Variants in UQCC1 observed in about 807,000 individuals in gnomAD.
UQCC1 encodes bFGF-repressed Zic-binding protein.
In UQCC1, 38 loss-of-function variants were observed where a neutral mutation model predicts 48.0. The observed-to-expected ratio is 0.79, with a 90% CI of 0.61 to 1.04. The LOEUF is 1.04. Ranked by LOEUF, UQCC1 falls within the 50% of genes least tolerant of loss-of-function variation. The probability of loss-of-function intolerance (pLI) is 0.00; values close to 1 mark genes in which losing one functional copy is unlikely to be tolerated. For synonymous variants in UQCC1, 111 were observed against 129.2 expected (o/e 0.86, Z 0.95); for missense variants, 368 against 381.8 (o/e 0.96, Z 0.30).
At chr20:35,315,840 C>T (rs180760610) in intron 7 of UQCC1, among the ~76,000 whole-genome samples, 26 of 152,278 alleles carry the variant, frequency 1.7e-4, no homozygotes, top group Admixed American at 1.4e-3. Flanking sequence ...GAGCCAGGAT[C>T]GCGCCACTGC....
rs961537065 is a variant in UQCC1 at position 35,317,784 on chromosome 20, T to C, written c.574-3019A>G. Among the ~76,000 whole-genome samples, 7 of 152,386 alleles carry C rather than the reference T, an allele frequency of 4.6e-5. No individual in the cohort carries two copies. The South Asian group carries it at 1.4e-3, about 32-fold the overall frequency. ...TTACAAGGGCCTGTGTACTACGCCA[T>C]GCATAGCATGTTCTATCCAACTAGT... On this transcript the variant is annotated intron_variant, in intron 7 of 9. Transcript: ENST00000374385.
At chr20:35,384,648 TAA>T (rs386393686) in intron 2 of UQCC1, 4,819 of 377,010 alleles carry the variant, frequency 0.013, no homozygotes, top group South Asian at 0.017. Context: ...ACCCTGTCTG[TAA>T]AAAAAAAAAA....
chr20:35,316,120 T>C (rs1431930001), intron 7 of UQCC1, among the ~76,000 whole-genome samples: 1 of 152,152 alleles, frequency 6.6e-6, no homozygotes, highest in Non-Finnish European at 1.5e-5. Flanking sequence ...AGAAAGCCAG[T>C]GCAATGTATA....
intron 1 of UQCC1, among the ~76,000 whole-genome samples, chr20:35,409,747 T>C (rs1273696934): frequency 6.6e-6 from 1 of 152,120 alleles, no homozygotes; most frequent in Admixed American, 6.5e-5. Flanking sequence ...AGGGAAAATA[T>C]TGGCTGACAA....
At chr20:35,400,616 C>A (rs977603902) in intron 1 of UQCC1, among the ~76,000 whole-genome samples, 8 of 152,058 alleles carry the variant, frequency 5.3e-5, no homozygotes, top group African/African-American at 1.4e-4. Context: ...CTGCCTCAGC[C>A]TCCCAAGTAG....
intron 6 of UQCC1, among the ~76,000 whole-genome samples, chr20:35,359,482 C>G (rs4911491): frequency 0.54 from 82,488 of 151,972 alleles, 23,430 homozygotes; most frequent in East Asian, 0.72. Flanking sequence ...CAGCCTAAAT[C>G]TGGGAGGGAA....
intron 1 of UQCC1, among the ~76,000 whole-genome samples, chr20:35,395,426 C>T (rs2062063066): frequency 6.6e-6 from 1 of 151,832 alleles, no homozygotes; most frequent in Non-Finnish European, 1.5e-5. Context: ...TCGAAACCAG[C>T]CTGGGCAACA....
chr20:35,372,481 G>A (rs1259754563), intron 5 of UQCC1, among the ~76,000 whole-genome samples: 14 of 152,124 alleles, frequency 9.2e-5, no homozygotes, highest in Admixed American at 8.5e-4. Flanking sequence ...CACTAAATTG[G>A]AATTATAATT....
chr20:35,320,016 C>A (rs914459571), intron 7 of UQCC1, among the ~76,000 whole-genome samples: 1 of 152,168 alleles, frequency 6.6e-6, no homozygotes, highest in African/African-American at 2.4e-5. Flanking sequence ...CCTCTTGCCT[C>A]CCCATCTTAC....
chr20:35,350,885 AC>A (rs2146398349), intron 6 of UQCC1, among the ~76,000 whole-genome samples: 1 of 152,096 alleles, frequency 6.6e-6, no homozygotes, highest in African/African-American at 2.4e-5. Context: ...TCCCAAAAAT[AC>A]AAAAAATTAA....
At chr20:35,398,764 G>GCA (rs1568711115) in intron 1 of UQCC1, among the ~76,000 whole-genome samples, 5 of 140,188 alleles carry the variant, frequency 3.6e-5, no homozygotes, top group African/African-American at 1.3e-4. Flanking sequence ...GGGGGGGGGG[G>GCA]GGGGGCGGTG....
intron 5 of UQCC1, among the ~76,000 whole-genome samples, chr20:35,373,735 T>C (rs935527421): frequency 6.6e-6 from 1 of 151,914 alleles, no homozygotes; most frequent in African/African-American, 2.4e-5. Flanking sequence ...CAGAATATGT[T>C]TACTATGATA....
At chr20:35,341,165 G>A (rs1030810105) in intron 7 of UQCC1, among the ~76,000 whole-genome samples, 5 of 148,596 alleles carry the variant, frequency 3.4e-5, no homozygotes, top group African/African-American at 1.3e-4. Context: ...AGGTTGCAGT[G>A]AGCCAAGGTC....
chr20:35,356,629 C>T (rs1443461681), intron 6 of UQCC1, among the ~76,000 whole-genome samples: 7 of 152,118 alleles, frequency 4.6e-5, no homozygotes, highest in Non-Finnish European at 2.9e-5. Context: ...AAATTGAGTC[C>T]TAGAGAAGTA....
intron 6 of UQCC1, among the ~76,000 whole-genome samples, chr20:35,355,635 A>C (rs541865516): frequency 6.6e-6 from 1 of 152,258 alleles, no homozygotes; most frequent in South Asian, 2.1e-4. Flanking sequence ...TATCACATTC[A>C]ATTTACGCTT....
chr20:35,352,789 C>T (rs1227750365), intron 6 of UQCC1, among the ~76,000 whole-genome samples: 1 of 152,154 alleles, frequency 6.6e-6, no homozygotes, highest in Non-Finnish European at 1.5e-5. Flanking sequence ...CTCAAGCTAT[C>T]CTCCTGCCTC....
At chr20:35,406,341 C>A (rs955450089) in intron 1 of UQCC1, among the ~76,000 whole-genome samples, 2 of 152,190 alleles carry the variant, frequency 1.3e-5, no homozygotes, top group African/African-American at 4.8e-5. Flanking sequence ...GACAAAGATT[C>A]TTTAAATGAG....
chr20:35,305,267 T>C (rs1424257875), intron 9 of UQCC1, among the ~76,000 whole-genome samples: 1 of 152,186 alleles, frequency 6.6e-6, no homozygotes, highest in Non-Finnish European at 1.5e-5. Flanking sequence ...CTGATAGAAC[T>C]GGGTCCCCAC....
chr20:35,319,068 A>T (rs1173055535), intron 7 of UQCC1, among the ~76,000 whole-genome samples: 1 of 152,130 alleles, frequency 6.6e-6, no homozygotes, highest in African/African-American at 2.4e-5. Flanking sequence ...CATACATACA[A>T]CACCACAAGG....
Sources: gnomAD v4.1 joint callset for allele counts (sites outside exome capture counted in the v4.1 genomes callset) on GRCh38, gnomAD v4.1.1 for gene constraint, MANE v1.5 for transcripts, NCBI Gene and HGNC (gene_info 2026-07-23, HGNC 2026-07-21) for gene names.